Variants in DSCAM observed in about 807,000 individuals in gnomAD.
The protein encoded by DSCAM is DS cell adhesion molecule, also known as cell adhesion molecule DSCAM.
Under a neutral mutation model 217.7 loss-of-function variants are expected in DSCAM, and 47 were observed. The observed-to-expected ratio is 0.22, with a 90% CI of 0.17 to 0.28. The LOEUF is 0.28. Ranked by LOEUF, DSCAM falls within the 10% of genes least tolerant of loss-of-function variation. The pLI is 1.00. For missense variants in DSCAM, 2,080 were observed against 2,618.3 expected (o/e 0.79, Z 4.49); for synonymous variants, 1,056 against 1,015.3 (o/e 1.04, Z -0.76).
At chr21:40,459,868 G>A (rs1213431815) in intron 3 of DSCAM, among the ~76,000 whole-genome samples, 1 of 152,082 alleles carries the variant, frequency 6.6e-6, no homozygotes, top group Non-Finnish European at 1.5e-5. Context: ...ACAGAATCAA[G>A]TATGGATAAA....
chr21:40,635,570 GGTGTGTGTGC>G (rs2089747203), intron 3 of DSCAM, among the ~76,000 whole-genome samples: 1 of 152,126 alleles, frequency 6.6e-6, no homozygotes, highest in Non-Finnish European at 1.5e-5. Flanking sequence ...TGCGTGGGCA[GGTGTGTGTGC>G]ATGTGTGTGC....
chr21:40,138,485 T>G (rs1232140436), intron 18 of DSCAM, among the ~76,000 whole-genome samples: 3 of 137,712 alleles, frequency 2.2e-5, no homozygotes, highest in African/African-American at 5.5e-5. Context: ...GTATTGGGGG[T>G]GTGTGTGGTG....
chr21:40,583,643 G>T (rs1444536183), intron 3 of DSCAM, among the ~76,000 whole-genome samples: 4 of 152,084 alleles, frequency 2.6e-5, no homozygotes, highest in Non-Finnish European at 5.9e-5. Context: ...CTGGAAAACT[G>T]GTTCAGAAGG....
intron 3 of DSCAM, among the ~76,000 whole-genome samples, chr21:40,575,591 G>A (rs2076843767): frequency 6.6e-6 from 1 of 152,194 alleles, no homozygotes; most frequent in Middle Eastern, 3.4e-3. Context: ...TAGATGGAGG[G>A]AAATAAACCT....
intron 1 of DSCAM, among the ~76,000 whole-genome samples, chr21:40,754,680 T>C (rs2091259005): frequency 6.6e-6 from 1 of 152,172 alleles, no homozygotes; most frequent in Non-Finnish European, 1.5e-5. Context: ...GAAGTGTTGC[T>C]ACTGGGCAGC....
intron 11 of DSCAM, among the ~76,000 whole-genome samples, chr21:40,199,317 A>G (rs1357006670): frequency 6.6e-6 from 1 of 152,200 alleles, no homozygotes; most frequent in Non-Finnish European, 1.5e-5. Flanking sequence ...TCCCCTGGAA[A>G]GGATAAGATC....
intron 29 of DSCAM, 142 bp from the exon 30 acceptor site, chr21:40,052,249 G>T (rs1396495705): frequency 1.1e-5 from 10 of 918,816 alleles, no homozygotes; most frequent in Non-Finnish European, 1.6e-5. Context: ...AAAAATGATT[G>T]AAAATTCAAG....
chr21:40,478,193 T>C (rs2145981243), intron 3 of DSCAM, among the ~76,000 whole-genome samples: 1 of 152,334 alleles, frequency 6.6e-6, no homozygotes, highest in East Asian at 1.9e-4. Context: ...TGGCTGTTCA[T>C]TCTCATTTCT....
intron 27 of DSCAM, 152 bp downstream of exon 27, chr21:40,074,885 G>A (rs757085084): frequency 5.8e-5 from 43 of 739,550 alleles, no homozygotes; most frequent in Non-Finnish European, 8.0e-5. Context: ...CAGTCTCGCT[G>A]AAGGAATGTC....
At chr21:40,439,788 C>A in intron 3 of DSCAM, among the ~76,000 whole-genome samples, 1 of 152,118 alleles carries the variant, frequency 6.6e-6, no homozygotes, top group Middle Eastern at 3.2e-3. Flanking sequence ...CAGGGAAACA[C>A]CCCCTTACAA....
intron 3 of DSCAM, among the ~76,000 whole-genome samples, chr21:40,584,314 A>C (rs1390584011): frequency 6.6e-6 from 1 of 152,200 alleles, no homozygotes; most frequent in Non-Finnish European, 1.5e-5. Context: ...TGATAAATGA[A>C]TTACATATAT....
intron 1 of DSCAM, among the ~76,000 whole-genome samples, chr21:40,838,959 T>C (rs2092078815): frequency 6.6e-6 from 1 of 152,218 alleles, no homozygotes; most frequent in Non-Finnish European, 1.5e-5. Context: ...CAGAATGCTA[T>C]AAGTAACAAA....
intron 11 of DSCAM, among the ~76,000 whole-genome samples, chr21:40,254,186 C>T (rs2073341279): frequency 6.6e-6 from 1 of 152,116 alleles, no homozygotes; most frequent in Non-Finnish European, 1.5e-5. Flanking sequence ...GATAAATAGT[C>T]ACAGCTAAGA....
chr21:40,386,486 C>A (rs2075086759), intron 3 of DSCAM, among the ~76,000 whole-genome samples: 1 of 152,200 alleles, frequency 6.6e-6, no homozygotes, highest in Admixed American at 6.5e-5. Flanking sequence ...CGGGAGAACA[C>A]TCGGTGCCCC....
chr21:40,708,449 C>A lies in DSCAM; in HGVS notation c.361+5G>T. 1.3e-6 allele frequency: 2 copies of A among 1,491,118 alleles called. No homozygotes were observed. The highest frequency in any genetic ancestry group is 2.3e-5 in the Admixed American group (1 of 43,810). 92.4% of individuals were successfully genotyped at this position (1,491,118 alleles called of 1,614,324 possible). A position where few individuals can be genotyped will look rare whatever the true frequency, so the allele number is the denominator to read the frequency against. On this transcript the variant is annotated splice_donor_5th_base_variant and intron_variant, in intron 2 of 32. Transcript: ENST00000400454. ...AGAAAAAACAAAGCCCAGAGCTGTA[C>A]TCACCAGCCTTGATGTGGACATCCT...
At chr21:40,317,522 T>A (rs1290118174) in intron 8 of DSCAM, among the ~76,000 whole-genome samples, 1 of 152,116 alleles carries the variant, frequency 6.6e-6, no homozygotes, top group African/African-American at 2.4e-5. Context: ...GTTCTTTTTT[T>A]TTCTTTTCTT....
intron 3 of DSCAM, among the ~76,000 whole-genome samples, chr21:40,571,102 T>G (rs1466925527): frequency 6.6e-6 from 1 of 151,498 alleles, no homozygotes; most frequent in African/African-American, 2.4e-5. Context: ...AAAAAAAAAT[T>G]GAAAAGAAAT....
In DSCAM at chr21:40,087,155, T is replaced by A; in HGVS notation, c.3968+15A>T. The A allele has an allele frequency of 6.4e-7, 1 of 1,567,092 alleles. No homozygotes were observed. The highest frequency in any genetic ancestry group is 8.8e-7 in the Non-Finnish European group (1 of 1,137,140). Reference sequence around the variant, plus strand: ...TTAGAGTCTCACTGAAGGCATACATTGGGTTACTGGTTACCTGTCTTTCAT... The same window carrying A: ...TTAGAGTCTCACTGAAGGCATACATAGGGTTACTGGTTACCTGTCTTTCAT... On this transcript the variant is annotated intron_variant, in intron 22 of 32. Coordinates refer to ENST00000400454, the MANE Select transcript of DSCAM (RefSeq NM_001389.5).
intron 3 of DSCAM, among the ~76,000 whole-genome samples, chr21:40,677,393 A>G (rs1265623059): frequency 6.6e-6 from 1 of 151,884 alleles, no homozygotes; most frequent in East Asian, 1.9e-4. Flanking sequence ...GGGTAAGGAC[A>G]AGTGGGAGCC....
Sources: allele counts gnomAD v4.1 joint callset (sites outside exome capture counted in the v4.1 genomes callset), GRCh38; gene constraint gnomAD v4.1.1; transcripts MANE v1.5; gene names NCBI Gene and HGNC (gene_info 2026-07-23, HGNC 2026-07-21).